Variants in CNTNAP2 observed in about 807,000 individuals in gnomAD.
The protein encoded by CNTNAP2 is contactin-associated protein-like 2.
A neutral mutation model predicts 155.2 loss-of-function variants in CNTNAP2; 98 were observed. The observed-to-expected ratio is 0.63, with a 90% CI of 0.54 to 0.75. The LOEUF (loss-of-function observed/expected upper bound fraction) is 0.75, where lower values mean the gene tolerates loss of function less well. CNTNAP2 is among the 30% of genes least tolerant of loss of function. The probability of loss-of-function intolerance (pLI) is 0.00; values close to 1 mark genes in which losing one functional copy is unlikely to be tolerated. For synonymous variants in CNTNAP2, 651 were observed against 631.2 expected (o/e 1.03, Z -0.47); for missense variants, 1,727 against 1,688.1 (o/e 1.02, Z -0.40).
At chr7:147,013,629 C>T (rs1050510312) in intron 3 of CNTNAP2, among the ~76,000 whole-genome samples, 1 of 152,114 alleles carries the variant, frequency 6.6e-6, no homozygotes, top group Non-Finnish European at 1.5e-5. Context: ...TGCTACAATA[C>T]TTCATCCGTG....
chr7:147,654,349 C>G (rs2116944552), intron 13 of CNTNAP2, among the ~76,000 whole-genome samples: 1 of 152,258 alleles, frequency 6.6e-6, no homozygotes, highest in African/African-American at 2.4e-5. Flanking sequence ...AAAATATATT[C>G]TAAACCTGAT....
At chr7:147,866,075 C>T (rs913171173) in intron 13 of CNTNAP2, among the ~76,000 whole-genome samples, 2 of 152,122 alleles carry the variant, frequency 1.3e-5, no homozygotes, top group Non-Finnish European at 2.9e-5. Flanking sequence ...TATAAATTTC[C>T]CTCTATACAC....
rs1173038496 is a variant in CNTNAP2, at chr7:147,775,338, AAT to A, written c.2099-128218_2099-128217del. Among the ~76,000 whole-genome samples the A allele has an allele frequency of 1.3e-3, 42 of 32,946 alleles. 1 individual carries two copies. Among genetic ancestry groups the A allele is most frequent in the South Asian group, 0.012 (16 of 1,302 alleles). The allele number at this position is 32,946 out of a possible 152,430, so 21.6% of individuals were successfully genotyped here. A position where few individuals can be genotyped will look rare whatever the true frequency, so the allele number is the denominator to read the frequency against. On this transcript the variant is annotated intron_variant, in intron 13 of 23. Coordinates refer to ENST00000361727, the MANE Select transcript of CNTNAP2 (RefSeq NM_014141.6). ...ATATATATATTTATATATATTTATA[AAT>A]ATATATATTTATATATATTTATAAA...
At chr7:147,230,436 T>C (rs1803653645) in intron 8 of CNTNAP2, among the ~76,000 whole-genome samples, 1 of 152,066 alleles carries the variant, frequency 6.6e-6, no homozygotes. Context: ...TTGTGTATTT[T>C]TAGTAGAGAC....
chr7:146,393,600 G>A (rs910811803), intron 1 of CNTNAP2, among the ~76,000 whole-genome samples: 3 of 152,066 alleles, frequency 2.0e-5, no homozygotes, highest in Non-Finnish European at 2.9e-5. Context: ...CCTAACTCAA[G>A]TTACTATAGG....
At chr7:147,449,835 T>C (rs890434173) in intron 10 of CNTNAP2, among the ~76,000 whole-genome samples, 1 of 152,224 alleles carries the variant, frequency 6.6e-6, no homozygotes, top group Non-Finnish European at 1.5e-5. Context: ...AATACAAACA[T>C]TCTCTGCTTT....
chr7:146,431,669 A>G (rs1021295438), intron 1 of CNTNAP2, among the ~76,000 whole-genome samples: 7 of 152,122 alleles, frequency 4.6e-5, no homozygotes, highest in African/African-American at 1.4e-4. Flanking sequence ...CTGCGTTATC[A>G]TAAGGATCAA....
rs892050374 is a variant in CNTNAP2, at chr7:146,911,144, A to T, written c.402+71240A>T. Among the ~76,000 whole-genome samples the T allele has an allele frequency of 2.2e-3, 337 of 152,210 alleles. 1 individual carries two copies. The highest frequency in any genetic ancestry group is 6.8e-3 in the Middle Eastern group (2 of 294). On this transcript the variant is annotated intron_variant, in intron 3 of 23. Coordinates refer to ENST00000361727, the MANE Select transcript of CNTNAP2 (RefSeq NM_014141.6). Reference sequence around the variant, plus strand: ...CCAGTTAGAATGGCAATCATTAAAAAGTCAGGATACAACAGGTGCTGGACA... The same window carrying T: ...CCAGTTAGAATGGCAATCATTAAAATGTCAGGATACAACAGGTGCTGGACA...
chr7:148,262,654 G>T (rs938164198), intron 20 of CNTNAP2, among the ~76,000 whole-genome samples: 16 of 152,024 alleles, frequency 1.1e-4, no homozygotes, highest in Admixed American at 4.6e-4. Flanking sequence ...CCCTGGTGGG[G>T]ACCTGAGACC....
intron 1 of CNTNAP2, among the ~76,000 whole-genome samples, chr7:146,463,589 T>C (rs1007632631): frequency 6.6e-6 from 1 of 152,004 alleles, no homozygotes; most frequent in Non-Finnish European, 1.5e-5. Context: ...TATACATACG[T>C]GCACATGCAT....
At chr7:147,682,538 A>G (rs924929186) in intron 13 of CNTNAP2, among the ~76,000 whole-genome samples, 1 of 151,948 alleles carries the variant, frequency 6.6e-6, no homozygotes, top group Non-Finnish European at 1.5e-5. Context: ...ACTTTGTGCC[A>G]TATAAGCTAT....
intron 15 of CNTNAP2, among the ~76,000 whole-genome samples, chr7:148,031,018 C>T (rs768092794): frequency 6.6e-6 from 1 of 152,084 alleles, no homozygotes; most frequent in Non-Finnish European, 1.5e-5. Context: ...TTGAACTAGA[C>T]TCCATTGGCA....
Position 146,246,444 on chromosome 7 carries a change from G to A in CNTNAP2, c.97+129471G>A, listed in dbSNP as rs1312401743. Among the ~76,000 whole-genome samples, 4 of 149,870 alleles carry A rather than the reference G, an allele frequency of 2.7e-5. No individual in the cohort carries two copies. The East Asian group carries it at 7.8e-4, about 29-fold the overall frequency. ...GTTGGCATGAGAGTGGGGGTTTTAA[G>A]AGGTTTAGAAGCCTGGCCGTCAATA... On this transcript the variant is annotated intron_variant, in intron 1 of 23. Transcript: ENST00000361727.
At chr7:147,366,971 ATTAT>A (rs1796242828) in intron 9 of CNTNAP2, among the ~76,000 whole-genome samples, 1 of 152,164 alleles carries the variant, frequency 6.6e-6, no homozygotes, top group Non-Finnish European at 1.5e-5. Flanking sequence ...CGGCCAAAGA[ATTAT>A]TTATATATCT....
chr7:146,823,098 C>T (rs1281115897), intron 2 of CNTNAP2, among the ~76,000 whole-genome samples: 1 of 55,508 alleles, frequency 1.8e-5, no homozygotes, highest in Non-Finnish European at 3.1e-5. Context: ...GAAATATACT[C>T]ATTCTTCAGC....
intron 10 of CNTNAP2, among the ~76,000 whole-genome samples, chr7:147,409,415 G>T (rs528131160): frequency 1.3e-5 from 2 of 152,210 alleles, no homozygotes; most frequent in South Asian, 4.1e-4. Context: ...ATAGATTAAA[G>T]AATTAAATGT....
intron 1 of CNTNAP2, among the ~76,000 whole-genome samples, chr7:146,140,068 G>A (rs1348688069): frequency 9.2e-5 from 14 of 152,088 alleles, no homozygotes; most frequent in Admixed American, 9.2e-4. Flanking sequence ...TTTCATACCT[G>A]TGTCCCTCCC....
intron 1 of CNTNAP2, among the ~76,000 whole-genome samples, chr7:146,437,128 C>T (rs1796255363): frequency 6.6e-6 from 1 of 151,290 alleles, no homozygotes; most frequent in Non-Finnish European, 1.5e-5. Flanking sequence ...GAGCGTGAAC[C>T]TTACTGTGAA....
intron 9 of CNTNAP2, among the ~76,000 whole-genome samples, chr7:147,371,490 A>G (rs1270251993): frequency 2.0e-5 from 3 of 152,258 alleles, no homozygotes; most frequent in South Asian, 4.1e-4. Context: ...ACAGAAGGAG[A>G]CCTTTAATTT....
Sources: gnomAD v4.1 joint callset for allele counts (sites outside exome capture counted in the v4.1 genomes callset) on GRCh38, gnomAD v4.1.1 for gene constraint, MANE v1.5 for transcripts, NCBI Gene and HGNC (gene_info 2026-07-23, HGNC 2026-07-21) for gene names.